HS3ST5: variants seen among roughly 807,000 people sequenced by gnomAD.
The protein encoded by HS3ST5 is heparan sulfate-glucosamine 3-sulfotransferase 5.
HS3ST5 carries 10 observed loss-of-function variants against 25.4 expected under a neutral mutation model. That is an observed-to-expected ratio of 0.39 (90% CI 0.24 to 0.67). HS3ST5 has a LOEUF of 0.67. HS3ST5 is among the 30% of genes least tolerant of loss of function. The probability of loss-of-function intolerance (pLI) is 0.44; values close to 1 mark genes in which losing one functional copy is unlikely to be tolerated. For missense variants in HS3ST5, 324 were observed against 420.7 expected (o/e 0.77, Z 2.01); for synonymous variants, 170 against 162.4 (o/e 1.05, Z -0.36).
chr6:114,282,260 T>C (rs1774147238), intron 1 of HS3ST5, among the ~76,000 whole-genome samples: 1 of 152,024 alleles, frequency 6.6e-6, no homozygotes, highest in South Asian at 2.1e-4. Context: ...AAATGTAACA[T>C]GCAGCCGCTG....
intron 3 of HS3ST5, among the ~76,000 whole-genome samples, chr6:114,081,849 T>A (rs1042799109): frequency 1.3e-5 from 2 of 152,238 alleles, no homozygotes; most frequent in East Asian, 3.8e-4. Flanking sequence ...TTTTTATTGG[T>A]CTCAGCTTTA....
chr6:114,139,382 A>G (rs1777789547), intron 3 of HS3ST5, among the ~76,000 whole-genome samples: 1 of 152,044 alleles, frequency 6.6e-6, no homozygotes, highest in South Asian at 2.1e-4. Flanking sequence ...AAATGACATT[A>G]GGGACAAAAG....
intron 1 of HS3ST5, among the ~76,000 whole-genome samples, chr6:114,329,148 A>G (rs1776290689): frequency 6.6e-6 from 1 of 152,132 alleles, no homozygotes; most frequent in African/African-American, 2.4e-5. Context: ...GTATGAATGT[A>G]CCTTCTAATT....
At chr6:114,226,922 G>A (rs1027833900) in intron 2 of HS3ST5, among the ~76,000 whole-genome samples, 1 of 151,834 alleles carries the variant, frequency 6.6e-6, no homozygotes, top group African/African-American at 2.4e-5. Context: ...GATGAGTAAA[G>A]GTATGCTTCT....
Position 114,065,886 on chromosome 6 carries a change from C to G in HS3ST5, c.-32-3009G>C, listed in dbSNP as rs532928937. Among the ~76,000 whole-genome samples, 7 of 152,300 alleles carry G rather than the reference C, an allele frequency of 4.6e-5. No homozygotes were observed. In the South Asian group the frequency reaches 1.4e-3, roughly 32 times the overall value. On this transcript the variant is annotated intron_variant, in intron 3 of 4. Transcript: ENST00000312719. ...TGCTATTTAAACATAGTGCCCACAC[C>G]CTCCTGCTTAAAACTGTACTGCACA...
chr6:114,201,721 GGTTT>G (rs1781024206), intron 2 of HS3ST5, among the ~76,000 whole-genome samples: 1 of 152,052 alleles, frequency 6.6e-6, no homozygotes, highest in Non-Finnish European at 1.5e-5. Flanking sequence ...AAAGGAAAGA[GGTTT>G]ATTTATAAAG....
intron 4 of HS3ST5, among the ~76,000 whole-genome samples, chr6:114,058,470 A>G (rs554573449): frequency 1.3e-5 from 2 of 152,348 alleles, no homozygotes; most frequent in South Asian, 4.1e-4. Flanking sequence ...AGTACAGGAT[A>G]GACAAGTGGC....
intron 3 of HS3ST5, chr6:114,084,342 G>A (rs1774647508): frequency 1.3e-6 from 1 of 759,226 alleles, no homozygotes; most frequent in African/African-American, 1.7e-5. Context: ...GAGTAGCAGT[G>A]AACTCAGGAG....
intron 3 of HS3ST5, among the ~76,000 whole-genome samples, chr6:114,079,939 C>A (rs1245954163): frequency 6.6e-6 from 1 of 151,992 alleles, no homozygotes; most frequent in Non-Finnish European, 1.5e-5. Flanking sequence ...CCATGCCTGG[C>A]TAATTTTGTT....
At chr6:114,315,567 A>G (rs896796645) in intron 1 of HS3ST5, among the ~76,000 whole-genome samples, 1 of 152,216 alleles carries the variant, frequency 6.6e-6, no homozygotes, top group Non-Finnish European at 1.5e-5. Context: ...TTTATTACAA[A>G]TATGTTAAAA....
At chr6:114,256,374 C>T (rs1227594113) in intron 1 of HS3ST5, among the ~76,000 whole-genome samples, 17 of 146,088 alleles carry the variant, frequency 1.2e-4, no homozygotes, top group African/African-American at 4.1e-4. Context: ...GAGGACAGAG[C>T]AAGACTCCCT....
intron 1 of HS3ST5, among the ~76,000 whole-genome samples, chr6:114,253,043 G>T (rs1440868928): frequency 1.3e-5 from 2 of 152,074 alleles, no homozygotes; most frequent in South Asian, 2.1e-4. Context: ...AACTTAGGTG[G>T]GTGGGTATTG....
intron 1 of HS3ST5, among the ~76,000 whole-genome samples, chr6:114,261,450 T>C (rs1773167886): frequency 6.6e-6 from 1 of 152,176 alleles, no homozygotes; most frequent in African/African-American, 2.4e-5. Flanking sequence ...GCTGAGTATA[T>C]ACTTGATGGT....
intron 3 of HS3ST5, among the ~76,000 whole-genome samples, chr6:114,153,210 G>A (rs1176497264): frequency 2.6e-5 from 4 of 152,148 alleles, no homozygotes; most frequent in Admixed American, 2.0e-4. Context: ...CTTCCTCACA[G>A]TACCAACAGC....
intron 3 of HS3ST5, among the ~76,000 whole-genome samples, chr6:114,069,626 C>A (rs1051943542): frequency 4.7e-5 from 7 of 149,650 alleles, no homozygotes; most frequent in African/African-American, 1.7e-4. Flanking sequence ...TCAAGCAATT[C>A]TCCTGCCTCA....
chr6:114,340,981 G>T (rs910885541), intron 1 of HS3ST5, among the ~76,000 whole-genome samples: 1 of 94,556 alleles, frequency 1.1e-5, no homozygotes. Context: ...CACCCAACCC[G>T]ACCCTGCATG....
intron 2 of HS3ST5, among the ~76,000 whole-genome samples, chr6:114,174,818 C>A (rs1446131952): frequency 6.6e-6 from 1 of 152,024 alleles, no homozygotes; most frequent in Non-Finnish European, 1.5e-5. Context: ...CATGGTGAAA[C>A]CCCATCTCTA....
At chr6:114,202,813 T>C (rs1160657624) in intron 2 of HS3ST5, among the ~76,000 whole-genome samples, 1 of 152,208 alleles carries the variant, frequency 6.6e-6, no homozygotes, top group Non-Finnish European at 1.5e-5. Flanking sequence ...TATTTCAAAA[T>C]AAATATGAGA....
chr6:114,151,923 GTTTAT>G (rs1778467238), intron 3 of HS3ST5, among the ~76,000 whole-genome samples: 1 of 152,066 alleles, frequency 6.6e-6, no homozygotes, highest in South Asian at 2.1e-4. Context: ...TCAAAATTAT[GTTTAT>G]TTTATTTTAT....
Sources: allele counts gnomAD v4.1 joint callset (sites outside exome capture counted in the v4.1 genomes callset), GRCh38; gene constraint gnomAD v4.1.1; transcripts MANE v1.5; gene names NCBI Gene and HGNC (gene_info 2026-07-23, HGNC 2026-07-21).